The following DMXL2 variants were observed in gnomAD, a reference collection of about 807,000 sequenced individuals.
DMXL2 encodes Dmx like 2.
DMXL2 carries 103 observed loss-of-function variants against 331.1 expected under a neutral mutation model. The observed-to-expected ratio is 0.31, with a 90% CI of 0.27 to 0.37. The LOEUF is 0.37. Among genes scored for constraint, DMXL2 ranks in the 10% least tolerant of loss-of-function variants. The pLI, the probability that DMXL2 is intolerant of heterozygous loss-of-function variation, is 1.00. For missense variants in DMXL2, 3,171 were observed against 3,642.9 expected (o/e 0.87, Z 3.33); for synonymous variants, 1,281 against 1,252.1 (o/e 1.02, Z -0.49).
At chr15:51,460,536 T>C (rs1051773322) in intron 33 of DMXL2, 16 of 175,386 alleles carry the variant, frequency 9.1e-5, no homozygotes, top group Non-Finnish European at 1.6e-4. Flanking sequence ...TTTCCTGTAA[T>C]ATCTTCAGTG....
chr15:51,545,791 A>G, intron 7 of DMXL2, 25 bp from the exon 8 acceptor site: 2 of 1,585,226 alleles, frequency 1.3e-6, no homozygotes, highest in Non-Finnish European at 1.7e-6. Context: ...AAATAAATAA[A>G]GGTTAATGTG....
chr15:51,506,247 G>T (rs1419208430), intron 16 of DMXL2, among the ~76,000 whole-genome samples: 1 of 151,788 alleles, frequency 6.6e-6, no homozygotes, highest in African/African-American at 2.4e-5. Context: ...TTTTTTTGTA[G>T]AGATGAAGTC....
At chr15:51,552,298 G>A (rs1438167787) in intron 6 of DMXL2, among the ~76,000 whole-genome samples, 1 of 152,140 alleles carries the variant, frequency 6.6e-6, no homozygotes, top group East Asian at 1.9e-4. Flanking sequence ...GGCTCCTGTG[G>A]GCAGACCAAT....
At chr15:51,535,502 C>T (rs1269627147) in intron 13 of DMXL2, among the ~76,000 whole-genome samples, 161 bp downstream of exon 13, 2 of 152,034 alleles carry the variant, frequency 1.3e-5, no homozygotes, top group South Asian at 2.1e-4. Context: ...TACCTTGGAA[C>T]ACAGCTTAGG....
rs1342392183 is a variant in DMXL2 at position 51,474,476 on chromosome 15, G to A, written c.7081C>T (p.Leu2361Phe). 3.1e-6 allele frequency: 5 copies of A among 1,614,008 alleles called. No homozygotes were observed. The African/African-American group carries it at 4.0e-5, about 13-fold the overall frequency. ...AVYLSLLIHALATNSSSELFR... is the reference protein window; with the variant it reads ...AVYLSLLIHAFATNSSSELFR... ...AATTCACTGGAGGAATTTGTGGCAA[G>A]AGCATGTATCAATAAACTTAAGTAA... Residue 2361 changes from leucine to phenylalanine, a missense_variant, in exon 28 of 44, where the codon CTT becomes TTT. Leu to Phe is a conservative substitution (Grantham distance 22). Transcript: ENST00000560891.
intron 1 of DMXL2, among the ~76,000 whole-genome samples, chr15:51,578,066 A>G (rs1000070539): frequency 6.6e-6 from 1 of 152,194 alleles, no homozygotes; most frequent in African/African-American, 2.4e-5. Context: ...ACAAACTGCC[A>G]TGACAGAGAC....
At chr15:51,581,106 G>A (rs1328649906) in intron 1 of DMXL2, among the ~76,000 whole-genome samples, 3 of 152,156 alleles carry the variant, frequency 2.0e-5, no homozygotes, top group African/African-American at 7.2e-5. Context: ...TGGCCTGTTA[G>A]GAACTGGGCC....
In DMXL2 at chr15:51,620,941, T is replaced by C. The variant is rs78025078; in HGVS notation, c.87+1518A>G. On this transcript the variant is annotated intron_variant, in intron 1 of 43. Coordinates refer to ENST00000560891, the MANE Select transcript of DMXL2 (RefSeq NM_001378457.1). ...CCTGCCGTGAGACAGCACTCCACTTTAGATGGAAGCAGAAAACTACCACCA... is the reference window on the plus strand; with the variant it reads ...CCTGCCGTGAGACAGCACTCCACTTCAGATGGAAGCAGAAAACTACCACCA... Among the ~76,000 whole-genome samples the C allele has an allele frequency of 2.6e-3, 393 of 152,308 alleles. 17 individuals are homozygous for C. In the East Asian group the frequency reaches 0.061, roughly 24 times the overall value.
chr15:51,516,829 T>C (rs542944513), intron 14 of DMXL2, among the ~76,000 whole-genome samples: 2 of 152,346 alleles, frequency 1.3e-5, no homozygotes, highest in South Asian at 2.1e-4. Flanking sequence ...GTCCATTATA[T>C]TGCTCTGCAT....
At chr15:51,556,712 C>T (rs2140999338) in intron 6 of DMXL2, among the ~76,000 whole-genome samples, 1 of 152,006 alleles carries the variant, frequency 6.6e-6, no homozygotes. Flanking sequence ...GCTGAGATTG[C>T]AGTGAGCTGA....
rs146317713 is a variant in DMXL2 at position 51,457,223 on chromosome 15, C to T, written c.8337+105G>A. On this transcript the variant is annotated intron_variant, in intron 37 of 43. Coordinates refer to ENST00000560891, the MANE Select transcript of DMXL2 (RefSeq NM_001378457.1). Reference sequence around the variant, plus strand: ...AGCTGTCATTATCATGGCCTATCTACTGGTGTTTGTCCCTGAAATTTAGGA... The same window carrying T: ...AGCTGTCATTATCATGGCCTATCTATTGGTGTTTGTCCCTGAAATTTAGGA... The T allele has an allele frequency of 2.5e-3, 2,901 of 1,177,202 alleles. 3 individuals carry two copies. The highest frequency in any genetic ancestry group is 3.2e-3 in the Non-Finnish European group (2,668 of 839,786). The allele number at this position is 1,177,202 out of a possible 1,614,324, so 72.9% of individuals were successfully genotyped here.
chr15:51,582,390 A>T (rs1448242590), intron 1 of DMXL2, among the ~76,000 whole-genome samples: 1 of 152,062 alleles, frequency 6.6e-6, no homozygotes, highest in Non-Finnish European at 1.5e-5. Context: ...TATTAATTGC[A>T]TTTAAATTCT....
chr15:51,558,844 T>G (rs1248144274), intron 6 of DMXL2, among the ~76,000 whole-genome samples: 1 of 152,222 alleles, frequency 6.6e-6, no homozygotes, highest in African/African-American at 2.4e-5. Flanking sequence ...TAAGTGCAAT[T>G]TTTGTTACCG....
At chr15:51,542,598 T>G in intron 8 of DMXL2, 91 bp from the exon 9 acceptor site, 1 of 977,270 alleles carries the variant, frequency 1.0e-6, no homozygotes, top group Non-Finnish European at 1.5e-6. Flanking sequence ...GTTTAAGATT[T>G]TTTTCTCCAT....
intron 8 of DMXL2, among the ~76,000 whole-genome samples, chr15:51,542,845 A>C (rs917079718): frequency 6.6e-6 from 1 of 152,074 alleles, no homozygotes; most frequent in African/African-American, 2.4e-5. Context: ...GAGTAAAAAA[A>C]AAAAATTCCT....
intron 23 of DMXL2, among the ~76,000 whole-genome samples, chr15:51,482,084 A>G (rs542908233): frequency 2.3e-4 from 35 of 152,328 alleles, no homozygotes; most frequent in South Asian, 1.7e-3. Flanking sequence ...TTTTAACACC[A>G]TGTCAACATT....
At chr15:51,555,496 C>A (rs1316217738) in intron 6 of DMXL2, among the ~76,000 whole-genome samples, 1 of 152,026 alleles carries the variant, frequency 6.6e-6, no homozygotes, top group African/African-American at 2.4e-5. Context: ...CTGGGCACTC[C>A]AACATTTAAA....
intron 15 of DMXL2, among the ~76,000 whole-genome samples, chr15:51,509,535 T>C (rs1217853060): frequency 6.6e-6 from 1 of 152,166 alleles, no homozygotes; most frequent in Non-Finnish European, 1.5e-5. Context: ...AATAGACCAA[T>C]AACAAGTTCT....
intron 2 of DMXL2, among the ~76,000 whole-genome samples, chr15:51,572,319 G>A: frequency 6.7e-6 from 1 of 148,612 alleles, no homozygotes; most frequent in Admixed American, 6.8e-5. Context: ...AAAAAGTCCA[G>A]GACCAGATGG....
Sources: gnomAD v4.1 joint callset for allele counts (sites outside exome capture counted in the v4.1 genomes callset) on GRCh38, gnomAD v4.1.1 for gene constraint, MANE v1.5 for transcripts, NCBI Gene and HGNC (gene_info 2026-07-23, HGNC 2026-07-21) for gene names.